Variants in ST8SIA1 observed in about 807,000 individuals in gnomAD.
ST8SIA1 encodes the protein ST8 alpha-N-acetyl-neuraminide alpha-2,8-sialyltransferase 1.
ST8SIA1 carries 16 observed loss-of-function variants against 35.9 expected under a neutral mutation model. The ratio of observed to expected loss-of-function variants is 0.45; its 90% CI spans 0.30 to 0.68. The LOEUF is 0.68. Ranked by LOEUF, ST8SIA1 falls within the 30% of genes least tolerant of loss-of-function variation. The probability of loss-of-function intolerance (pLI) is 0.09; values close to 1 mark genes in which losing one functional copy is unlikely to be tolerated. For synonymous variants in ST8SIA1, 170 were observed against 169.6 expected, an observed-to-expected ratio of 1.00 and a Z score of -0.02; for missense variants, 383 against 453.6, an observed-to-expected ratio of 0.84 and a Z score of 1.41.
At chr12:22,248,059 T>C (rs914305408) in intron 4 of ST8SIA1, among the ~76,000 whole-genome samples, 2 of 152,162 alleles carry the variant, frequency 1.3e-5, no homozygotes, top group African/African-American at 4.8e-5. Context: ...TGAAGATAAA[T>C]GGTACATTTG....
chr12:22,281,256 T>G (rs1361605214), intron 2 of ST8SIA1, among the ~76,000 whole-genome samples: 11 of 152,214 alleles, frequency 7.2e-5, no homozygotes. Context: ...ATAATGATAC[T>G]GAAATATAAA....
intron 4 of ST8SIA1, among the ~76,000 whole-genome samples, chr12:22,202,834 A>G (rs1193736812): frequency 6.6e-6 from 1 of 152,216 alleles, no homozygotes; most frequent in Admixed American, 6.6e-5. Flanking sequence ...ATAGGGAAAC[A>G]ACAGAAAGAA....
intron 3 of ST8SIA1, among the ~76,000 whole-genome samples, chr12:22,251,287 G>A (rs769544840): frequency 4.8e-4 from 73 of 152,290 alleles, no homozygotes; most frequent in Middle Eastern, 3.4e-3. Flanking sequence ...TGGTTTTCAT[G>A]AGTAAATACT....
At chr12:22,279,404 T>A (rs1314983365) in intron 2 of ST8SIA1, among the ~76,000 whole-genome samples, 1 of 152,186 alleles carries the variant, frequency 6.6e-6, no homozygotes, top group Admixed American at 6.5e-5. Flanking sequence ...AAACAGTCCC[T>A]AATTTTGGCC....
At chr12:22,325,765 T>C (rs959096463) in intron 1 of ST8SIA1, 2 of 656,154 alleles carry the variant, frequency 3.0e-6, no homozygotes, top group Non-Finnish European at 5.4e-6. Flanking sequence ...CAATAATAAC[T>C]AATAATAAAA....
chr12:22,276,046 C>T (rs979245060), intron 2 of ST8SIA1, among the ~76,000 whole-genome samples: 10 of 152,182 alleles, frequency 6.6e-5, no homozygotes, highest in South Asian at 2.1e-4. Context: ...GAGGATCTAG[C>T]GCAGCAGCCT....
At chr12:22,217,399 C>T (rs901210047) in intron 4 of ST8SIA1, among the ~76,000 whole-genome samples, 3 of 152,078 alleles carry the variant, frequency 2.0e-5, no homozygotes, top group Non-Finnish European at 2.9e-5. Flanking sequence ...CGTAAAGCAA[C>T]ACCTTATATT....
rs1316015685 is a variant in ST8SIA1 at position 22,193,635 on chromosome 12, T to C, written c.*7917A>G. 1 of 152,192 alleles carries C rather than the reference T, an allele frequency of 6.6e-6. No individual in the cohort carries two copies. Among genetic ancestry groups the C allele is most frequent in the African/African-American group, 2.4e-5 (1 of 41,452 alleles). The allele number at this position is 152,192 out of a possible 1,614,324, so 9.4% of individuals were successfully genotyped here. A position where few individuals can be genotyped will look rare whatever the true frequency, so the allele number is the denominator to read the frequency against. ...ATTTTTCTAATCACACCGTAGAAAG[T>C]ACCAATTAAAGTTTTCTTTTTTACC... On this transcript the variant is annotated 3_prime_UTR_variant, in exon 5 of 5. Transcript: ENST00000396037.
intron 2 of ST8SIA1, among the ~76,000 whole-genome samples, chr12:22,286,771 C>T (rs577805923): frequency 6.6e-6 from 1 of 152,244 alleles, no homozygotes; most frequent in South Asian, 2.1e-4. Flanking sequence ...ACCATATGGT[C>T]CCCACTCCCT....
Position 22,306,349 on chromosome 12 carries a change from ATTCT to A in ST8SIA1, c.237-19060_237-19057del, listed in dbSNP as rs973338556. Reference sequence around the variant, plus strand: ...CTCACATATTCAGGGTTCACACCTTATTCTTTCTTTCTTTTTTTTAGTATGCCCT... The same window carrying A: ...CTCACATATTCAGGGTTCACACCTTATTCTTTCTTTTTTTTAGTATGCCCT... On this transcript the variant is annotated intron_variant, in intron 1 of 4. Coordinates refer to ENST00000396037, the MANE Select transcript of ST8SIA1 (RefSeq NM_003034.4). Among the ~76,000 whole-genome samples the A allele has an allele frequency of 2.1e-4, 32 of 152,196 alleles. 1 individual carries two copies. Among genetic ancestry groups the A allele is most frequent in the South Asian group, 8.3e-4 (4 of 4,822 alleles).
At chr12:22,202,922 G>C (rs1028156309) in intron 4 of ST8SIA1, among the ~76,000 whole-genome samples, 1 of 152,176 alleles carries the variant, frequency 6.6e-6, no homozygotes, top group African/African-American at 2.4e-5. Flanking sequence ...AGGATTCCCT[G>C]TCCCTAGAAT....
intron 3 of ST8SIA1, among the ~76,000 whole-genome samples, chr12:22,254,314 G>T (rs796094280): frequency 8.6e-5 from 13 of 152,022 alleles, no homozygotes; most frequent in African/African-American, 2.9e-4. Flanking sequence ...TTTGACTTTA[G>T]CTTCTTCTTA....
chr12:22,262,090 GGT>G (rs1340011789), intron 2 of ST8SIA1, among the ~76,000 whole-genome samples: 2 of 151,920 alleles, frequency 1.3e-5, no homozygotes, highest in Non-Finnish European at 2.9e-5. Context: ...TGAGATTTCT[GGT>G]CTATTAGATA....
chr12:22,238,881 T>C (rs1277961518), intron 4 of ST8SIA1, among the ~76,000 whole-genome samples: 1 of 152,218 alleles, frequency 6.6e-6, no homozygotes, highest in Non-Finnish European at 1.5e-5. Flanking sequence ...TGAGGTATAT[T>C]CTTCAGATTT....
chr12:22,321,042 G>GAAAGAAAAGAAAAGAAAAGA (rs147820055), intron 1 of ST8SIA1, among the ~76,000 whole-genome samples: 1 of 49,084 alleles, frequency 2.0e-5, no homozygotes, highest in Non-Finnish European at 4.2e-5. Context: ...AAGAGAAAGA[G>GAAAGAAAAGAAAAGAAAAGA]AAAGAAAAGA....
At chr12:22,268,244 A>G (rs1301513784) in intron 2 of ST8SIA1, among the ~76,000 whole-genome samples, 2 of 152,174 alleles carry the variant, frequency 1.3e-5, no homozygotes, top group Non-Finnish European at 2.9e-5. Context: ...TTTTCAGACC[A>G]CTGACAGAAA....
At chr12:22,253,463 T>C (rs549268504) in intron 3 of ST8SIA1, among the ~76,000 whole-genome samples, 1 of 152,328 alleles carries the variant, frequency 6.6e-6, no homozygotes, top group African/African-American at 2.4e-5. Flanking sequence ...CCTTGGACTC[T>C]TGGGAAAGGT....
chr12:22,302,876 C>A (rs551131204), intron 1 of ST8SIA1, among the ~76,000 whole-genome samples: 3 of 152,122 alleles, frequency 2.0e-5, no homozygotes, highest in African/African-American at 7.2e-5. Context: ...TACCTGTGAC[C>A]TGAAGCCCCC....
At chr12:22,263,146 C>T (rs1289244543) in intron 2 of ST8SIA1, among the ~76,000 whole-genome samples, 2 of 152,172 alleles carry the variant, frequency 1.3e-5, no homozygotes, top group Non-Finnish European at 2.9e-5. Context: ...TTTAAGCAGA[C>T]TACTGGCCAA....
Sources: gnomAD v4.1 joint callset for allele counts (sites outside exome capture counted in the v4.1 genomes callset) on GRCh38, gnomAD v4.1.1 for gene constraint, MANE v1.5 for transcripts, NCBI Gene and HGNC (gene_info 2026-07-23, HGNC 2026-07-21) for gene names.